The following DBNL variants were observed in gnomAD, a reference collection of about 807,000 sequenced individuals.
The protein encoded by DBNL is drebrin like, also known as drebrin-like protein.
DBNL carries 35 observed loss-of-function variants against 62.2 expected under a neutral mutation model. The ratio of observed to expected loss-of-function variants is 0.56; its 90% CI spans 0.43 to 0.75. DBNL has a LOEUF of 0.75. Among genes scored for constraint, DBNL ranks in the 30% least tolerant of loss-of-function variants. The pLI, the probability that DBNL is intolerant of heterozygous loss-of-function variation, is 0.00. For synonymous variants in DBNL, 197 were observed against 218.0 expected, an observed-to-expected ratio of 0.90 and a Z score of 0.85; for missense variants, 495 against 578.4, an observed-to-expected ratio of 0.86 and a Z score of 1.48.
rs1181543694 is a variant in DBNL, at chr7:44,068,164, C to T, written c.*7248C>T. On this transcript the variant is annotated 3_prime_UTR_variant, in exon 13 of 13. Transcript: ENST00000448521. ...CCATGGCCCCAAAAGCATGGGGCAACCACCTTCTGCAGCTCCTTTCTGCCC... is the reference window on the plus strand; with the variant it reads ...CCATGGCCCCAAAAGCATGGGGCAATCACCTTCTGCAGCTCCTTTCTGCCC... The T allele has an allele frequency of 6.6e-6, 1 of 152,248 alleles. No individual in the cohort carries two copies. The highest frequency in any genetic ancestry group is 6.5e-5 in the Admixed American group (1 of 15,290). The allele number at this position is 152,248 out of a possible 1,614,324, so 9.4% of individuals were successfully genotyped here.
chr7:44,064,793 G>GGCCCCCCCCCCCCCCCCCCCC lies in DBNL; in HGVS notation c.*3877_*3878insGCCCCCCCCCCCCCCCCCCCC. 1.2e-5 allele frequency: 14 copies of GGCCCCCCCCCCCCCCCCCCCC among 1,136,946 alleles called. No individual in the cohort carries two copies. Among genetic ancestry groups the GGCCCCCCCCCCCCCCCCCCCC allele is most frequent in the East Asian group, 2.5e-5 (1 of 40,038 alleles). The allele number at this position is 1,136,946 out of a possible 1,614,324, so 70.4% of individuals were successfully genotyped here. ...AGATGAGAAGCCAGCTGGGGCTGCT[G>GGCCCCCCCCCCCCCCCCCCCC]CCCACCCACCCTGCCCAGGCTCCTG... On this transcript the variant is annotated 3_prime_UTR_variant, in exon 13 of 13. Transcript: ENST00000448521.
chr7:44,058,580 C>T lies in DBNL; in HGVS notation c.753+100C>T. On this transcript the variant is annotated intron_variant, in intron 8 of 12. Transcript: ENST00000448521. The stretch of plus-strand genomic sequence containing the variant: ...CCAGCCCAGACCTGGGCAGAGGCTG[C>T]CCTGCAGTCAGCTGGGGCAGGTTGG... The T allele has an allele frequency of 2.7e-6, 4 of 1,481,604 alleles. No homozygotes were observed. The South Asian group carries it at 3.7e-5, about 14-fold the overall frequency. 91.8% of individuals were successfully genotyped at this position (1,481,604 alleles called of 1,614,324 possible).
rs1396542556 is a variant in DBNL, at chr7:44,056,740, T to C, written c.328-17T>C. The C allele has an allele frequency of 6.2e-7, 1 of 1,613,664 alleles. No individual in the cohort carries two copies. Among genetic ancestry groups the C allele is most frequent in the Admixed American group, 1.7e-5 (1 of 60,016 alleles). On this transcript the variant is annotated splice_polypyrimidine_tract_variant and intron_variant, in intron 4 of 12. Coordinates refer to ENST00000448521, the MANE Select transcript of DBNL (RefSeq NM_001014436.3). ...GGGCTTGCAAAGCCCTTCTTTCAAGTGCTGCTCCTGCTGCAGGGGGCCCAT... is the reference window on the plus strand; with the variant it reads ...GGGCTTGCAAAGCCCTTCTTTCAAGCGCTGCTCCTGCTGCAGGGGGCCCAT...
intron 4 of DBNL, among the ~76,000 whole-genome samples, chr7:44,055,990 G>T (rs755321399): frequency 3.3e-5 from 5 of 152,142 alleles, no homozygotes; most frequent in African/African-American, 4.8e-5. Context: ...TCTTTGCCCA[G>T]ATCAATGTCC....
At chr7:44,056,537 G>A (rs866799198) in intron 4 of DBNL, among the ~76,000 whole-genome samples, 9 of 152,328 alleles carry the variant, frequency 5.9e-5, no homozygotes, top group Middle Eastern at 6.8e-3. Context: ...AGGGTCTCAC[G>A]TGAACTGGGA....
rs1232509071 is a variant in DBNL at position 44,063,683 on chromosome 7, C to T, written c.*2767C>T. The T allele has an allele frequency of 2.6e-5, 4 of 154,390 alleles. No individual in the cohort carries two copies. The highest frequency in any genetic ancestry group is 5.8e-5 in the Non-Finnish European group (4 of 69,494). 9.6% of individuals were successfully genotyped at this position (154,390 alleles called of 1,614,324 possible). A position where few individuals can be genotyped will look rare whatever the true frequency, so the allele number is the denominator to read the frequency against. ...CAGGGAGGCCGAGCCTGGTCGAAAC[C>T]TGACCCTGCCTGCCTCCTGCAGCCC... On this transcript the variant is annotated 3_prime_UTR_variant, in exon 13 of 13. Coordinates refer to ENST00000448521, the MANE Select transcript of DBNL (RefSeq NM_001014436.3).
rs2096158694 is a variant in DBNL at position 44,065,659 on chromosome 7, A to C, written c.*4743A>C. 6.7e-6 allele frequency: 6 copies of C among 892,686 alleles called. No homozygotes were observed. The South Asian group carries it at 8.6e-5, about 13-fold the overall frequency. The allele number at this position is 892,686 out of a possible 1,614,324, so 55.3% of individuals were successfully genotyped here. On this transcript the variant is annotated 3_prime_UTR_variant, in exon 13 of 13. Coordinates refer to ENST00000448521, the MANE Select transcript of DBNL (RefSeq NM_001014436.3). ...GCCAATCAGCATTCCAGGCGGTGGCAGGTGACCAGTAGCTGAGCTGCTGGG... is the reference window on the plus strand; with the variant it reads ...GCCAATCAGCATTCCAGGCGGTGGCCGGTGACCAGTAGCTGAGCTGCTGGG...
chr7:44,047,600 T>C (rs1359812893), intron 1 of DBNL, among the ~76,000 whole-genome samples: 1 of 152,192 alleles, frequency 6.6e-6, no homozygotes, highest in Admixed American at 6.5e-5. Flanking sequence ...GGCAGGACCT[T>C]TTAGGGATTG....
At position 44,065,942 on chromosome 7, in the gene DBNL, C is replaced by T. The variant is rs1010574126; in HGVS notation, c.*5026C>T. The T allele has an allele frequency of 3.1e-5, 10 of 322,464 alleles. No homozygotes were observed. The highest frequency in any genetic ancestry group is 2.1e-4 in the African/African-American group (10 of 47,056). The allele number at this position is 322,464 out of a possible 1,614,324, so 20.0% of individuals were successfully genotyped here. A position where few individuals can be genotyped will look rare whatever the true frequency, so the allele number is the denominator to read the frequency against. On this transcript the variant is annotated 3_prime_UTR_variant, in exon 13 of 13. Coordinates refer to ENST00000448521, the MANE Select transcript of DBNL (RefSeq NM_001014436.3). ...CAGCCATTCTCTGCTCAGACAGAGGCACAAACAAAATCCCAACCCCTTTCT... is the reference window on the plus strand; with the variant it reads ...CAGCCATTCTCTGCTCAGACAGAGGTACAAACAAAATCCCAACCCCTTTCT...
At chr7:44,057,165 A>G (rs1207294391) in intron 5 of DBNL, among the ~76,000 whole-genome samples, 1 of 152,240 alleles carries the variant, frequency 6.6e-6, no homozygotes, top group Non-Finnish European at 1.5e-5. Context: ...GCTCTGCAGC[A>G]TGCATGGCTA....
At position 44,061,882 on chromosome 7, in the gene DBNL, AG is replaced by A. The variant is rs1394913881; in HGVS notation, c.*968del. The A allele has an allele frequency of 1.3e-5, 2 of 152,276 alleles. No individual in the cohort carries two copies. The highest frequency in any genetic ancestry group is 2.4e-5 in the African/African-American group (1 of 41,436). The allele number at this position is 152,276 out of a possible 1,614,324, so 9.4% of individuals were successfully genotyped here. A position where few individuals can be genotyped will look rare whatever the true frequency, so the allele number is the denominator to read the frequency against. ...CTGTGGCTGATGATGATCAGCCACC[AG>A]GAAGAGGCTAAATGTTAAGATGGGA... On this transcript the variant is annotated 3_prime_UTR_variant, in exon 13 of 13. Transcript: ENST00000448521.
In DBNL at chr7:44,051,863, A is replaced by G. The variant is rs762652389; in HGVS notation, c.173A>G (p.Asn58Ser). 5 of 1,614,120 alleles carry G rather than the reference A, an allele frequency of 3.1e-6. No individual in the cohort carries two copies. The highest frequency in any genetic ancestry group is 3.3e-5 in the Admixed American group (2 of 60,016). Residue 58 changes from asparagine to serine, a missense_variant, in exon 3 of 13, where the codon AAC becomes AGC. Coordinates refer to ENST00000448521, the MANE Select transcript of DBNL (RefSeq NM_001014436.3). ...GGLEEMVEEL[N>S]SGKVMYAFCR... is the part of the protein sequence containing the mutation. ...CTGGAGGAGATGGTGGAGGAGCTCA[A>G]CAGCGGGAAGGTGATGTACGCCTTC...
intron 3 of DBNL, among the ~76,000 whole-genome samples, chr7:44,052,215 C>G (rs1585982454): frequency 6.6e-6 from 1 of 152,190 alleles, no homozygotes; most frequent in South Asian, 2.1e-4. Context: ...GCTCCGTGCT[C>G]TTGAGGGTGG....
At chr7:44,053,821 C>T (rs1041977255) in intron 4 of DBNL, among the ~76,000 whole-genome samples, 12 of 151,972 alleles carry the variant, frequency 7.9e-5, no homozygotes, top group Admixed American at 2.6e-4. Context: ...GGACTGCAGG[C>T]ACCCGCCACC....
chr7:44,050,207 A>G lies in DBNL; in HGVS notation c.84-18A>G, dbSNP rs766454089. ...ACCCAAGGTGCTGGCTACAGAGCTC[A>G]CTTGTGTTTCGTTTCAGGGCTCTCT... On this transcript the variant is annotated intron_variant, in intron 1 of 12. Coordinates refer to ENST00000448521, the MANE Select transcript of DBNL (RefSeq NM_001014436.3). 1.2e-5 allele frequency: 19 copies of G among 1,613,118 alleles called. No homozygotes were observed. The highest frequency in any genetic ancestry group is 1.6e-5 in the Non-Finnish European group (19 of 1,179,340).
chr7:44,068,898 C>G lies in DBNL; in HGVS notation c.*7982C>G, dbSNP rs952129705. The G allele has an allele frequency of 3.3e-4, 50 of 152,150 alleles. No homozygotes were observed. Among genetic ancestry groups the G allele is most frequent in the African/African-American group, 1.2e-3 (49 of 41,428 alleles). The allele number at this position is 152,150 out of a possible 1,614,324, so 9.4% of individuals were successfully genotyped here. A position where few individuals can be genotyped will look rare whatever the true frequency, so the allele number is the denominator to read the frequency against. ...AACTAAAGACCAAGAAAAATAAGAT[C>G]AGCCAGAGAAAAACGATACATTTCA... On this transcript the variant is annotated 3_prime_UTR_variant, in exon 13 of 13. Coordinates refer to ENST00000448521, the MANE Select transcript of DBNL (RefSeq NM_001014436.3).
chr7:44,059,501 G>T lies in DBNL; in HGVS notation c.932-42G>T, dbSNP rs1431090432. ...CCCTGGGGGACAGCAGTGGAGAAGG[G>T]GGATGTGTGGGAGTGAGAACCTGCT... On this transcript the variant is annotated intron_variant, in intron 10 of 12. Transcript: ENST00000448521. The surrounding 1 kb of genome is among the most constrained non-coding windows in gnomAD (Gnocchi z 4.1). 7 of 1,613,450 alleles carry T rather than the reference G, an allele frequency of 4.3e-6. No individual in the cohort carries two copies. Among genetic ancestry groups the T allele is most frequent in the Non-Finnish European group, 5.9e-6 (7 of 1,179,666 alleles).
chr7:44,064,396 T>G lies in DBNL; in HGVS notation c.*3480T>G, dbSNP rs965734497. 7.6e-6 allele frequency: 2 copies of G among 262,604 alleles called. No homozygotes were observed. The highest frequency in any genetic ancestry group is 4.1e-5 in the South Asian group (1 of 24,418). 16.3% of individuals were successfully genotyped at this position (262,604 alleles called of 1,614,324 possible). On this transcript the variant is annotated 3_prime_UTR_variant, in exon 13 of 13. Transcript: ENST00000448521. ...TGATGGGGGAGGGCCCTGCGAGGGG[T>G]CCAAGCCTACATCAAGAGGAATTCA...
In DBNL at chr7:44,064,793, G is replaced by GGGCCCCCCCCCCCCCCCCC; in HGVS notation, c.*3877_*3878insGGCCCCCCCCCCCCCCCCC. On this transcript the variant is annotated 3_prime_UTR_variant, in exon 13 of 13. Coordinates refer to ENST00000448521, the MANE Select transcript of DBNL (RefSeq NM_001014436.3). ...AGATGAGAAGCCAGCTGGGGCTGCT[G>GGGCCCCCCCCCCCCCCCCC]CCCACCCACCCTGCCCAGGCTCCTG... is the stretch of plus-strand genomic sequence containing the variant. 4 of 1,136,968 alleles carry GGGCCCCCCCCCCCCCCCCC rather than the reference G, an allele frequency of 3.5e-6. No individual in the cohort carries two copies. Among genetic ancestry groups the GGGCCCCCCCCCCCCCCCCC allele is most frequent in the Non-Finnish European group, 5.2e-6 (4 of 773,392 alleles). 70.4% of individuals were successfully genotyped at this position (1,136,968 alleles called of 1,614,324 possible).
Sources: gnomAD v4.1 joint callset for allele counts (sites outside exome capture counted in the v4.1 genomes callset) on GRCh38, gnomAD v4.1.1 for gene constraint, Gnocchi (gnomAD v3.1) non-coding constraint, MANE v1.5 for transcripts, NCBI Gene and HGNC (gene_info 2026-07-23, HGNC 2026-07-21) for gene names.